The following RBFOX1 variants were observed in gnomAD, a reference collection of about 807,000 sequenced individuals.
The protein encoded by RBFOX1 is RNA binding protein fox-1 homolog 1.
Under a neutral mutation model 57.7 loss-of-function variants are expected in RBFOX1, and 8 were observed. The observed-to-expected ratio is 0.14, with a 90% CI of 0.08 to 0.25. The LOEUF (loss-of-function observed/expected upper bound fraction) is 0.25. Ranked by LOEUF, RBFOX1 falls within the 10% of genes least tolerant of loss-of-function variation. RBFOX1 has a pLI of 1.00. For synonymous variants in RBFOX1, 326 were observed against 222.4 expected, an observed-to-expected ratio of 1.47 and a Z score of -4.15; for missense variants, 611 against 548.5, an observed-to-expected ratio of 1.11 and a Z score of -1.14.
chr16:5,558,243 A>T (rs1455724915), intron 2 of RBFOX1, among the ~76,000 whole-genome samples: 1 of 152,160 alleles, frequency 6.6e-6, no homozygotes, highest in African/African-American at 2.4e-5. Context: ...TGAGCTGATT[A>T]ACACACAAGC....
chr16:7,352,250 C>A (rs2097141900), intron 4 of RBFOX1, among the ~76,000 whole-genome samples: 1 of 152,168 alleles, frequency 6.6e-6, no homozygotes, highest in Non-Finnish European at 1.5e-5. Flanking sequence ...CTGGATACAG[C>A]TGTGCAGTGT....
At chr16:6,138,576 C>T (rs2096686420) in intron 1 of RBFOX1, among the ~76,000 whole-genome samples, 2 of 152,088 alleles carry the variant, frequency 1.3e-5, no homozygotes, top group Non-Finnish European at 2.9e-5. Flanking sequence ...TGTCAGATAA[C>T]ATAATAATAG....
At chr16:7,322,246 GCA>G (rs1172239831) in intron 4 of RBFOX1, among the ~76,000 whole-genome samples, 1 of 152,216 alleles carries the variant, frequency 6.6e-6, no homozygotes, top group Non-Finnish European at 1.5e-5. Context: ...CACTTCTTAA[GCA>G]CAGACTTGCT....
intron 4 of RBFOX1, among the ~76,000 whole-genome samples, chr16:7,471,323 C>T (rs1448211331): frequency 1.3e-5 from 2 of 152,076 alleles, no homozygotes; most frequent in African/African-American, 4.8e-5. Context: ...TGAGTATATC[C>T]ATAAGGTAAA....
rs529795739 is a variant in RBFOX1, at chr16:5,946,967, T to C, written c.351+79632T>C. Reference sequence around the variant, plus strand: ...TGGCTCACAGCCGTAATCCTAGCACTTAGGGAGGCAGAAGTAGGAGGATTG... The same window carrying C: ...TGGCTCACAGCCGTAATCCTAGCACCTAGGGAGGCAGAAGTAGGAGGATTG... On this transcript the variant is annotated intron_variant, in intron 4 of 19. Coordinates refer to the RBFOX1 transcript ENST00000641259. The surrounding 1 kb of genome is among the most constrained non-coding windows in gnomAD (Gnocchi z 4.6). Among the ~76,000 whole-genome samples, 6 of 152,162 alleles carry C rather than the reference T, an allele frequency of 3.9e-5. No individual in the cohort carries two copies. The highest frequency in any genetic ancestry group is 1.4e-4 in the African/African-American group (6 of 41,442).
At chr16:6,871,832 C>G (rs192278647) in intron 3 of RBFOX1, among the ~76,000 whole-genome samples, 1 of 151,998 alleles carries the variant, frequency 6.6e-6, no homozygotes, top group African/African-American at 2.4e-5. Context: ...AGTGCAGTTG[C>G]TGCTTAGCCT....
intron 2 of RBFOX1, among the ~76,000 whole-genome samples, chr16:6,336,199 T>A (rs1460016578): frequency 4.0e-4 from 32 of 80,716 alleles, no homozygotes; most frequent in East Asian, 2.3e-3. Context: ...TTTTTTTTTT[T>A]TTTTTTTTTT....
intron 3 of RBFOX1, among the ~76,000 whole-genome samples, chr16:6,955,855 G>C (rs184041126): frequency 1.3e-5 from 2 of 151,956 alleles, no homozygotes; most frequent in African/African-American, 2.4e-5. Flanking sequence ...ATAGATGCAT[G>C]CCACCATGCT....
At chr16:7,062,217 G>A (rs1396346196) in intron 4 of RBFOX1, among the ~76,000 whole-genome samples, 1 of 150,936 alleles carries the variant, frequency 6.6e-6, no homozygotes, top group Non-Finnish European at 1.5e-5. Flanking sequence ...TACTCAGGAG[G>A]CTGAGGCAGG....
intron 3 of RBFOX1, among the ~76,000 whole-genome samples, chr16:6,991,741 T>C (rs1375564916): frequency 2.0e-5 from 3 of 152,150 alleles, no homozygotes. Flanking sequence ...TTCACCATGT[T>C]GCCCAGGCTG....
intron 4 of RBFOX1, among the ~76,000 whole-genome samples, chr16:7,187,957 C>T (rs981441314): frequency 6.6e-6 from 1 of 152,138 alleles, no homozygotes; most frequent in Non-Finnish European, 1.5e-5. Flanking sequence ...TAAGAATCAA[C>T]TCACAGAGAG....
chr16:5,425,107 ATCTATCTATCTAT>A, intron 1 of RBFOX1, among the ~76,000 whole-genome samples: 1 of 137,800 alleles, frequency 7.3e-6, no homozygotes, highest in Non-Finnish European at 1.5e-5. Flanking sequence ...CTATCTATCT[ATCTATCTATCTAT>A]CTTGAGACAG....
intron 4 of RBFOX1, among the ~76,000 whole-genome samples, chr16:7,151,089 A>C (rs1015232966): frequency 2.0e-5 from 3 of 152,178 alleles, no homozygotes; most frequent in Admixed American, 6.5e-5. Flanking sequence ...AGTGTATTCT[A>C]CTTTCAGGAA....
At chr16:6,271,931 AC>A (rs2075265660) in intron 1 of RBFOX1, among the ~76,000 whole-genome samples, 1 of 152,170 alleles carries the variant, frequency 6.6e-6, no homozygotes, top group South Asian at 2.1e-4. Flanking sequence ...AGAAATAAGA[AC>A]TTCTCAATTC....
At chr16:7,098,667 C>T (rs949467934) in intron 4 of RBFOX1, among the ~76,000 whole-genome samples, 1 of 152,054 alleles carries the variant, frequency 6.6e-6, no homozygotes, top group Middle Eastern at 3.2e-3. Flanking sequence ...TAGTGATGAT[C>T]TTGGCTGGGT....
intron 14 of RBFOX1, among the ~76,000 whole-genome samples, chr16:7,698,636 A>C (rs1345459742): frequency 2.0e-5 from 3 of 152,264 alleles, no homozygotes; most frequent in South Asian, 2.1e-4. Flanking sequence ...AGTCTCATCT[A>C]ATTGTCTTTT....
intron 5 of RBFOX1, among the ~76,000 whole-genome samples, chr16:7,540,889 C>A (rs1443220844): frequency 6.6e-6 from 1 of 152,176 alleles, no homozygotes; most frequent in Admixed American, 6.5e-5. Context: ...GTGGCCAAGG[C>A]TGGATTCATC....
chr16:6,886,635 A>C (rs2064096132), intron 3 of RBFOX1, among the ~76,000 whole-genome samples: 1 of 151,902 alleles, frequency 6.6e-6, no homozygotes, highest in Non-Finnish European at 1.5e-5. Flanking sequence ...CTCACCTGTA[A>C]TCCTAGCTGC....
intron 4 of RBFOX1, among the ~76,000 whole-genome samples, chr16:7,259,387 T>C (rs1402906207): frequency 1.3e-5 from 2 of 152,036 alleles, no homozygotes. Context: ...ACATCACATA[T>C]AAGATATTCC....
Sources: allele counts gnomAD v4.1 joint callset (sites outside exome capture counted in the v4.1 genomes callset), GRCh38; gene constraint gnomAD v4.1.1; non-coding constraint Gnocchi (gnomAD v3.1); transcripts MANE v1.5; gene names NCBI Gene and HGNC (gene_info 2026-07-23, HGNC 2026-07-21).